C1QTNF3: variants seen among roughly 807,000 people sequenced by gnomAD.
C1QTNF3 encodes the protein C1q and TNF related 3.
C1QTNF3 carries 26 observed loss-of-function variants against 32.6 expected under a neutral mutation model. The ratio of observed to expected loss-of-function variants is 0.80; its 90% CI spans 0.58 to 1.11. The LOEUF is 1.11. Ranked by LOEUF, C1QTNF3 falls within the 50% of genes least tolerant of loss-of-function variation. The pLI, the probability that C1QTNF3 is intolerant of heterozygous loss-of-function variation, is 0.00. For missense variants in C1QTNF3, 362 were observed against 398.2 expected, an observed-to-expected ratio of 0.91 and a Z score of 0.77; for synonymous variants, 155 against 146.0, an observed-to-expected ratio of 1.06 and a Z score of -0.44.
chr5:34,124,455 G>A, the C1QTNF3 span: 3 of 716,568 alleles, frequency 4.2e-6, no homozygotes, highest in Non-Finnish European at 5.2e-6. Flanking sequence ...CTTAGTCATG[G>A]CAGAAAGTGA....
chr5:34,194,726 C>T, the C1QTNF3 span, among the ~76,000 whole-genome samples: 4 of 152,306 alleles, frequency 2.6e-5, no homozygotes, highest in African/African-American at 9.6e-5. Context: ...ATACAGTCAG[C>T]CCTCAGTATC....
At chr5:34,103,585 G>A in the C1QTNF3 span, among the ~76,000 whole-genome samples, 25 of 130,838 alleles carry the variant, frequency 1.9e-4, no homozygotes, top group South Asian at 5.2e-4. Flanking sequence ...TTGGGAGGCC[G>A]AGGTGGGAGG....
chr5:34,161,867 T>C, the C1QTNF3 span, among the ~76,000 whole-genome samples: 1 of 152,204 alleles, frequency 6.6e-6, no homozygotes, highest in Non-Finnish European at 1.5e-5. Flanking sequence ...TAATTAAAAA[T>C]AAATGTCATG....
chr5:34,021,935 A>C (rs982180893), intron 5 of C1QTNF3, among the ~76,000 whole-genome samples: 5 of 152,198 alleles, frequency 3.3e-5, no homozygotes, highest in Admixed American at 3.3e-4. Context: ...GTAAAATCAT[A>C]ATAAAAAAAG....
At chr5:34,202,786 A>G in the C1QTNF3 span, among the ~76,000 whole-genome samples, 1 of 152,148 alleles carries the variant, frequency 6.6e-6, no homozygotes. Flanking sequence ...ATTGCAGGCT[A>G]GTCATACAGT....
At chr5:34,203,008 A>C in the C1QTNF3 span, among the ~76,000 whole-genome samples, 1 of 152,182 alleles carries the variant, frequency 6.6e-6, no homozygotes, top group African/African-American at 2.4e-5. Context: ...GAAATGATTC[A>C]AAGTATTTTC....
chr5:34,086,231 T>C, the C1QTNF3 span, among the ~76,000 whole-genome samples: 2 of 144,984 alleles, frequency 1.4e-5, no homozygotes, highest in African/African-American at 5.3e-5. Context: ...TAAGTGGGAG[T>C]TGAAGAATGA....
upstream of C1QTNF3, among the ~76,000 whole-genome samples, chr5:34,044,390 G>C (rs299616): frequency 0.14 from 21,176 of 152,176 alleles, 1,588 homozygotes; most frequent in East Asian, 0.25. Context: ...AAATAGCATG[G>C]GTGGCAAGCG....
chr5:34,133,718 G>C, the C1QTNF3 span, among the ~76,000 whole-genome samples: 2 of 152,184 alleles, frequency 1.3e-5, no homozygotes, highest in Non-Finnish European at 2.9e-5. Context: ...AGCAAAGCCT[G>C]AAGTGCCTGT....
the C1QTNF3 span, among the ~76,000 whole-genome samples, chr5:34,090,051 G>A: frequency 6.6e-6 from 1 of 151,990 alleles, no homozygotes; most frequent in African/African-American, 2.4e-5. Flanking sequence ...ACTTAAATTA[G>A]GTTGCTCATC....
rs965747183 is a variant in C1QTNF3 at position 34,019,357 on chromosome 5, C to T, written c.*1226G>A. The T allele has an allele frequency of 1.3e-5, 2 of 152,152 alleles. No homozygotes were observed. Among genetic ancestry groups the T allele is most frequent in the Non-Finnish European group, 2.9e-5 (2 of 68,020 alleles). 9.4% of individuals were successfully genotyped at this position (152,152 alleles called of 1,614,324 possible). The stretch of plus-strand genomic sequence containing the variant: ...TTTCCCACACACCTGGGACTTGTTG[C>T]CTACAACCAAACCTTGTGTGTCACT... On this transcript the variant is annotated 3_prime_UTR_variant, in exon 6 of 6. Transcript: ENST00000382065.
the C1QTNF3 span, among the ~76,000 whole-genome samples, chr5:34,216,224 A>G: frequency 4.5e-4 from 68 of 152,316 alleles, no homozygotes; most frequent in South Asian, 0.013. Context: ...TTTAAAAATT[A>G]GGAATATATC....
chr5:34,159,832 T>C, the C1QTNF3 span, among the ~76,000 whole-genome samples: 1 of 149,480 alleles, frequency 6.7e-6, no homozygotes, highest in Non-Finnish European at 1.5e-5. Context: ...AATTAAAGCA[T>C]TAAAAAAAAA....
At chr5:34,028,989 A>G in intron 3 of C1QTNF3, 106 bp from the exon 4 acceptor site, 1 of 865,500 alleles carries the variant, frequency 1.2e-6, no homozygotes, top group South Asian at 1.9e-5. Flanking sequence ...AAGATTGGGA[A>G]TAAACATCAA....
chr5:34,163,514 C>T, the C1QTNF3 span, among the ~76,000 whole-genome samples: 2 of 151,484 alleles, frequency 1.3e-5, no homozygotes, highest in African/African-American at 4.8e-5. Context: ...TAACAAAGTC[C>T]TCACAATTTC....
At chr5:34,079,074 T>C in the C1QTNF3 span, among the ~76,000 whole-genome samples, 1 of 151,660 alleles carries the variant, frequency 6.6e-6, no homozygotes, top group Non-Finnish European at 1.5e-5. Flanking sequence ...CTTGGAGAAG[T>C]TGGTATTCCA....
chr5:34,155,389 A>G, the C1QTNF3 span, among the ~76,000 whole-genome samples: 66 of 152,322 alleles, frequency 4.3e-4, no homozygotes, highest in African/African-American at 1.5e-3. Context: ...GTTGCCAAGT[A>G]CCTTTTGACC....
the C1QTNF3 span, among the ~76,000 whole-genome samples, chr5:34,189,139 G>A: frequency 2.0e-5 from 3 of 150,752 alleles, no homozygotes; most frequent in African/African-American, 4.9e-5. Context: ...TCCTGATCTC[G>A]TGATCCGTCC....
the C1QTNF3 span, among the ~76,000 whole-genome samples, chr5:34,116,832 TG>T: frequency 1.3e-5 from 2 of 152,214 alleles, no homozygotes; most frequent in African/African-American, 4.8e-5. Context: ...TGACTTCAAA[TG>T]ATCTGCCTGC....
Sources: allele counts gnomAD v4.1 joint callset (sites outside exome capture counted in the v4.1 genomes callset), GRCh38; gene constraint gnomAD v4.1.1; transcripts MANE v1.5; gene names NCBI Gene and HGNC (gene_info 2026-07-23, HGNC 2026-07-21).